IMPG2: variants seen among roughly 807,000 people sequenced by gnomAD.
IMPG2 encodes the protein interphotoreceptor matrix proteoglycan 2.
A neutral mutation model predicts 129.2 loss-of-function variants in IMPG2; 91 were observed. The ratio of observed to expected loss-of-function variants is 0.70; its 90% CI spans 0.59 to 0.84. The LOEUF (loss-of-function observed/expected upper bound fraction) is 0.84, where lower values mean the gene tolerates loss of function less well. Among genes scored for constraint, IMPG2 ranks in the 40% least tolerant of loss-of-function variants. The probability of loss-of-function intolerance (pLI) is 0.00; values close to 1 mark genes in which losing one functional copy is unlikely to be tolerated. For missense variants in IMPG2, 1,430 were observed against 1,461.7 expected (o/e 0.98, Z 0.35); for synonymous variants, 510 against 517.7 (o/e 0.99, Z 0.20).
At chr3:101,279,958 T>G (rs1369920831) in intron 4 of IMPG2, among the ~76,000 whole-genome samples, 1 of 152,198 alleles carries the variant, frequency 6.6e-6, no homozygotes, top group South Asian at 2.1e-4. Flanking sequence ...TCATTAAGTA[T>G]TCCCCCTGCA....
At position 101,305,680 on chromosome 3, in the gene IMPG2, A is replaced by T. The variant is rs181398385; in HGVS notation, c.335-1368T>A. 6.3e-4 allele frequency among the ~76,000 whole-genome samples: 96 copies of T among 152,264 alleles called. 2 individuals carry two copies. The highest frequency in any genetic ancestry group is 1.8e-4 in the Non-Finnish European group (12 of 68,002). On this transcript the variant is annotated intron_variant, in intron 2 of 18. Coordinates refer to ENST00000193391, the MANE Select transcript of IMPG2 (RefSeq NM_016247.4). Reference sequence around the variant, plus strand: ...GCCTATTAATTTAAGAAAAAAAAATATATATACACACATACATACATACAC... The same window carrying T: ...GCCTATTAATTTAAGAAAAAAAAATTTATATACACACATACATACATACAC...
intron 3 of IMPG2, 28 bp from the exon 4 acceptor site, chr3:101,291,538 C>T (rs764175057): frequency 7.6e-6 from 12 of 1,581,386 alleles, no homozygotes; most frequent in Non-Finnish European, 1.0e-5. Context: ...ATAAAAATGA[C>T]TGAGTTAACA....
At chr3:101,308,281 T>TG (rs61347906) in intron 2 of IMPG2, among the ~76,000 whole-genome samples, 152,343 of 152,346 alleles carry the variant, frequency 1, 76,170 homozygotes, top group Middle Eastern at 1. Flanking sequence ...GGACTCTGTG[T>TG]GGGGCCCCAA....
At chr3:101,240,148 C>T (rs1251750184) in intron 14 of IMPG2, among the ~76,000 whole-genome samples, 1 of 151,534 alleles carries the variant, frequency 6.6e-6, no homozygotes, top group Non-Finnish European at 1.5e-5. Flanking sequence ...GACAGGTTCT[C>T]ACTATGTTGC....
rs142730204 is a variant in IMPG2 at position 101,287,311 on chromosome 3, C to T, written c.533+4168G>A. Among the ~76,000 whole-genome samples the T allele has an allele frequency of 2.8e-3, 430 of 152,280 alleles. 4 individuals carry two copies. Among genetic ancestry groups the T allele is most frequent in the Non-Finnish European group, 4.8e-3 (329 of 68,018 alleles). Reference sequence around the variant, plus strand: ...AATCAATGTCATTAAAATGACCATACTGCCCAAAGCAATTTACAGATTCAA... The same window carrying T: ...AATCAATGTCATTAAAATGACCATATTGCCCAAAGCAATTTACAGATTCAA... On this transcript the variant is annotated intron_variant, in intron 4 of 18. Coordinates refer to ENST00000193391, the MANE Select transcript of IMPG2 (RefSeq NM_016247.4).
intron 16 of IMPG2, among the ~76,000 whole-genome samples, chr3:101,229,842 G>A (rs1009916203): frequency 3.9e-5 from 6 of 152,164 alleles, no homozygotes; most frequent in Non-Finnish European, 8.8e-5. Context: ...TTGCCATGGC[G>A]CCTGGCATTC....
At position 101,257,566 on chromosome 3, in the gene IMPG2, G is replaced by C; in HGVS notation, c.1116C>G (p.Ser372=). ...GCAGGGAATCAGGATCTGGATTCAA[G>C]GAAGAGTTCCCCAGCAAAAAATTCT... ...LQQNFLLGNS[S]LNPDPDSLQL... is the part of the protein sequence containing the mutation. The change falls in exon 10 of 19, where the codon TCC becomes TCG. Residue 372 remains serine (S), a synonymous_variant. Coordinates refer to ENST00000193391, the MANE Select transcript of IMPG2 (RefSeq NM_016247.4). The C allele has an allele frequency of 5.6e-6, 9 of 1,613,304 alleles. No individual in the cohort carries two copies. Among genetic ancestry groups the C allele is most frequent in the Non-Finnish European group, 7.6e-6 (9 of 1,179,502 alleles).
chr3:101,320,502 A>T lies in IMPG2; in HGVS notation c.-130T>A, dbSNP rs760332214. 1.5e-6 allele frequency: 1 copy of T among 676,804 alleles called. No homozygotes were observed. The highest frequency in any genetic ancestry group is 2.7e-6 in the Non-Finnish European group (1 of 373,076). The allele number at this position is 676,804 out of a possible 1,614,324, so 41.9% of individuals were successfully genotyped here. Reference sequence around the variant, plus strand: ...AAAAGTCTATGTTTGAGAATGAACAACCACTTCAAAACCATTATAAATTAG... The same window carrying T: ...AAAAGTCTATGTTTGAGAATGAACATCCACTTCAAAACCATTATAAATTAG... On this transcript the variant is annotated 5_prime_UTR_variant, in exon 1 of 19. In the 5' UTR this introduces an upstream ATG that the reference lacks. Transcript: ENST00000193391.
In IMPG2 at chr3:101,230,983, G is replaced by A. The variant is rs752837379; in HGVS notation, c.3396C>T (p.Asp1132=). ...TGAAGGGACTCTCTCTTTCACTCCT[G>A]TCATGGTGTGCTTGGAGAGTCCTGA... ...FFIRTLQAHH[D]RSERESPFSG... The change falls in exon 16 of 19, where the codon GAC becomes GAT. Residue 1132 remains aspartate, a synonymous_variant. Transcript: ENST00000193391. The A allele has an allele frequency of 6.2e-7, 1 of 1,613,692 alleles. No homozygotes were observed. Among genetic ancestry groups the A allele is most frequent in the Non-Finnish European group, 8.5e-7 (1 of 1,179,612 alleles).
At chr3:101,288,661 G>A (rs1183970158) in intron 4 of IMPG2, among the ~76,000 whole-genome samples, 1 of 152,060 alleles carries the variant, frequency 6.6e-6, no homozygotes, top group Non-Finnish European at 1.5e-5. Flanking sequence ...GAGCATATAT[G>A]GATATAAACA....
intron 2 of IMPG2, among the ~76,000 whole-genome samples, chr3:101,309,895 A>G (rs1707242125): frequency 6.6e-6 from 1 of 152,238 alleles, no homozygotes; most frequent in Non-Finnish European, 1.5e-5. Context: ...ATGAATCTCA[A>G]TGGGCTGAGT....
intron 2 of IMPG2, among the ~76,000 whole-genome samples, chr3:101,316,155 A>T (rs1421799953): frequency 6.6e-6 from 1 of 152,176 alleles, no homozygotes; most frequent in East Asian, 1.9e-4. Flanking sequence ...AACTGTAAAA[A>T]TTCTACAGGA....
At chr3:101,317,904 C>T (rs1210505168) in intron 2 of IMPG2, among the ~76,000 whole-genome samples, 2 of 151,654 alleles carry the variant, frequency 1.3e-5, no homozygotes, top group Non-Finnish European at 2.9e-5. Context: ...CCCAAAATAC[C>T]AAGATATTCT....
intron 4 of IMPG2, among the ~76,000 whole-genome samples, chr3:101,277,467 C>T (rs79338507): frequency 0.012 from 1,897 of 152,276 alleles, 43 homozygotes; most frequent in African/African-American, 0.043. Flanking sequence ...ATTATACACA[C>T]TAAATCAATA....
chr3:101,230,165 G>A (rs1161160536), intron 16 of IMPG2, among the ~76,000 whole-genome samples: 5 of 152,162 alleles, frequency 3.3e-5, no homozygotes, highest in Non-Finnish European at 4.4e-5. Flanking sequence ...AACAATGACG[G>A]AGGTATGTCC....
Position 101,244,568 on chromosome 3 carries a change from T to C in IMPG2, c.1763A>G (p.Asp588Gly), listed in dbSNP as rs746692897. ...DQLKVSPFLPDASMEKELIFD... is the reference protein window; with the variant it reads ...DQLKVSPFLPGASMEKELIFD... Reference sequence around the variant, plus strand: ...TATTAACTCTTTTTCCATGGATGCATCTGGCAGGAAAGGGCTCACTTTTAA... The same window carrying C: ...TATTAACTCTTTTTCCATGGATGCACCTGGCAGGAAAGGGCTCACTTTTAA... The change falls in exon 13 of 19, where the codon GAT (aspartate) becomes GGT (glycine). Residue 588 changes from aspartate to glycine, a missense_variant. Physicochemically the swap from Asp to Gly is moderately conservative, Grantham distance 94 (BLOSUM62 -1). Coordinates refer to ENST00000193391, the MANE Select transcript of IMPG2 (RefSeq NM_016247.4). The C allele has an allele frequency of 1.9e-6, 3 of 1,593,812 alleles. No homozygotes were observed. Among genetic ancestry groups the C allele is most frequent in the African/African-American group, 2.7e-5 (2 of 73,918 alleles).
At position 101,229,414 on chromosome 3, in the gene IMPG2, C is replaced by T; in HGVS notation, c.3599G>A (p.Arg1200Lys). 6.3e-7 allele frequency: 1 copy of T among 1,599,056 alleles called. No individual in the cohort carries two copies. Among genetic ancestry groups the T allele is most frequent in the Non-Finnish European group, 8.5e-7 (1 of 1,172,412 alleles). ...VIGGLSREEI[R>K]QMYESSELSR... ...AAGCTCACTGCTCTCATACATCTGT[C>T]TGATTTCTTCTCTGCTCAGCCCACC... is the stretch of plus-strand genomic sequence containing the variant. Residue 1200 changes from arginine to lysine, a missense_variant, in exon 17 of 19, where the codon AGA becomes AAA. By Grantham distance (26) the Arg-to-Lys change is conservative (BLOSUM62 2). Coordinates refer to ENST00000193391, the MANE Select transcript of IMPG2 (RefSeq NM_016247.4).
intron 11 of IMPG2, among the ~76,000 whole-genome samples, chr3:101,250,438 T>A (rs1334397224): frequency 1.3e-5 from 2 of 152,188 alleles, no homozygotes; most frequent in South Asian, 4.1e-4. Context: ...CATGCACATG[T>A]ATGTGAACAT....
At chr3:101,241,718 G>A (rs1045266543) in intron 14 of IMPG2, among the ~76,000 whole-genome samples, 2 of 152,048 alleles carry the variant, frequency 1.3e-5, no homozygotes, top group African/African-American at 4.8e-5. Flanking sequence ...CAGGTGTTAG[G>A]AATTGAGGTA....
Sources: gnomAD v4.1 joint callset for allele counts (sites outside exome capture counted in the v4.1 genomes callset) on GRCh38, gnomAD v4.1.1 for gene constraint, MANE v1.5 for transcripts, NCBI Gene and HGNC (gene_info 2026-07-23, HGNC 2026-07-21) for gene names.